Variants in POU3F3 observed in about 807,000 individuals in gnomAD.
The protein encoded by POU3F3 is POU class 3 homeobox 3.
Under a neutral mutation model 8.6 loss-of-function variants are expected in POU3F3, and 1 was observed. The observed-to-expected ratio is 0.12, with a 90% CI of 0.04 to 0.55. The LOEUF (loss-of-function observed/expected upper bound fraction) is 0.55. POU3F3 is among the 20% of genes least tolerant of loss of function. The pLI is 0.91. For missense variants in POU3F3, 577 were observed against 690.7 expected, an observed-to-expected ratio of 0.84 and a Z score of 1.84; for synonymous variants, 418 against 327.4, an observed-to-expected ratio of 1.28 and a Z score of -2.99.
At chr2:104,888,634 G>A in the POU3F3 span, among the ~76,000 whole-genome samples, 2 of 152,078 alleles carry the variant, frequency 1.3e-5, no homozygotes, top group Non-Finnish European at 2.9e-5. Context: ...AGGAAATTGA[G>A]GGAGTATCTG....
chr2:104,901,023 T>C, the POU3F3 span, among the ~76,000 whole-genome samples: 3 of 152,274 alleles, frequency 2.0e-5, no homozygotes, highest in African/African-American at 7.2e-5. Context: ...TGTAAAATGC[T>C]AAACAAGTTT....
chr2:104,892,782 G>A, the POU3F3 span, among the ~76,000 whole-genome samples: 9 of 151,532 alleles, frequency 5.9e-5, no homozygotes, highest in African/African-American at 2.4e-5. Flanking sequence ...TGCCTGGATC[G>A]AAACTCCTGG....
chr2:104,911,313 C>T, the POU3F3 span, among the ~76,000 whole-genome samples: 1 of 150,614 alleles, frequency 6.6e-6, no homozygotes, highest in African/African-American at 2.4e-5. Context: ...ACTAGGGAGG[C>T]TGAGGCAGAC....
chr2:104,900,168 A>C, the POU3F3 span, among the ~76,000 whole-genome samples: 1 of 152,206 alleles, frequency 6.6e-6, no homozygotes, highest in African/African-American at 2.4e-5. Context: ...GGTGACCTCC[A>C]ATTCTTTTCA....
In POU3F3 at chr2:104,857,519, C is replaced by T. The variant is rs994781107; in HGVS notation, c.*506C>T. ...GTGGACAGCACCTGCCTCGTCTTCT[C>T]CTCTTTGAAAAAAAGAGAGAGAGAG... is the stretch of plus-strand genomic sequence containing the variant. On this transcript the variant is annotated 3_prime_UTR_variant, in exon 1 of 1. Transcript: ENST00000361360. The T allele has an allele frequency of 5.2e-5, 8 of 153,500 alleles. No individual in the cohort carries two copies. The highest frequency in any genetic ancestry group is 1.5e-4 in the African/African-American group (6 of 41,356). 9.5% of individuals were successfully genotyped at this position (153,500 alleles called of 1,614,324 possible). A position where few individuals can be genotyped will look rare whatever the true frequency, so the allele number is the denominator to read the frequency against.
chr2:104,920,926 C>A, the POU3F3 span, among the ~76,000 whole-genome samples: 6 of 152,134 alleles, frequency 3.9e-5, no homozygotes, highest in African/African-American at 1.4e-4. Flanking sequence ...AGTCTCCCCC[C>A]ACATTCATGT....
downstream of POU3F3, chr2:104,858,631 A>T (rs1309791072): frequency 6.6e-6 from 1 of 152,180 alleles, no homozygotes; most frequent in Non-Finnish European, 1.5e-5. Context: ...TTTAAGAAAT[A>T]TTTTTTTACT....
chr2:104,909,361 A>G, the POU3F3 span, among the ~76,000 whole-genome samples: 1 of 152,232 alleles, frequency 6.6e-6, no homozygotes, highest in African/African-American at 2.4e-5. Flanking sequence ...AAGATATGCC[A>G]GAAAAGACCC....
chr2:104,862,655 G>A (rs546585098), downstream of POU3F3, among the ~76,000 whole-genome samples: 70 of 152,210 alleles, frequency 4.6e-4, no homozygotes, highest in Non-Finnish European at 9.0e-4. Context: ...AGCTGCTGTG[G>A]GTCCCACAAG....
At chr2:104,924,464 T>G in the POU3F3 span, among the ~76,000 whole-genome samples, 5 of 152,226 alleles carry the variant, frequency 3.3e-5, no homozygotes, top group Non-Finnish European at 7.3e-5. Context: ...AAGACCCATT[T>G]GCCCCCAACC....
At chr2:104,903,367 T>TA in the POU3F3 span, among the ~76,000 whole-genome samples, 2 of 152,366 alleles carry the variant, frequency 1.3e-5, no homozygotes, top group Non-Finnish European at 2.9e-5. Context: ...GCACCGGTGC[T>TA]ATATGCCTCT....
the POU3F3 span, among the ~76,000 whole-genome samples, chr2:104,894,396 AG>A: frequency 6.6e-6 from 1 of 152,194 alleles, no homozygotes; most frequent in South Asian, 2.1e-4. Flanking sequence ...TACGTTGACA[AG>A]AACTTCCATT....
the POU3F3 span, among the ~76,000 whole-genome samples, chr2:104,882,483 C>G: frequency 2.6e-5 from 4 of 152,102 alleles, no homozygotes; most frequent in Non-Finnish European, 5.9e-5. Context: ...AACACCTGAG[C>G]TCAGGTGATC....
chr2:104,893,351 C>T, the POU3F3 span, among the ~76,000 whole-genome samples: 62 of 152,280 alleles, frequency 4.1e-4, no homozygotes, highest in African/African-American at 1.5e-3. Flanking sequence ...AAAGCCTGGG[C>T]CAGTGTCCTG....
chr2:104,890,927 G>C, the POU3F3 span, among the ~76,000 whole-genome samples: 1 of 152,160 alleles, frequency 6.6e-6, no homozygotes, highest in African/African-American at 2.4e-5. Context: ...GCAGTTTCAA[G>C]GGAGCAAAAA....
chr2:104,888,997 C>T, the POU3F3 span, among the ~76,000 whole-genome samples: 1 of 152,238 alleles, frequency 6.6e-6, no homozygotes, highest in East Asian at 1.9e-4. Context: ...TAAGCTAAAC[C>T]TAGCCTCTCA....
chr2:104,909,374 A>C, the POU3F3 span, among the ~76,000 whole-genome samples: 2 of 152,366 alleles, frequency 1.3e-5, no homozygotes, highest in South Asian at 2.1e-4. Flanking sequence ...AAAGACCCAC[A>C]AATGGTACCC....
downstream of POU3F3, among the ~76,000 whole-genome samples, chr2:104,863,317 G>A (rs1463139202): frequency 6.6e-6 from 1 of 151,822 alleles, no homozygotes; most frequent in Admixed American, 6.6e-5. Flanking sequence ...CGAAGGAAAG[G>A]GAAACTTCTG....
chr2:104,864,519 C>T, the POU3F3 span, among the ~76,000 whole-genome samples: 1 of 152,174 alleles, frequency 6.6e-6, no homozygotes, highest in Non-Finnish European at 1.5e-5. Flanking sequence ...TTATAACATG[C>T]TCAGAGGCAT....
Sources: allele counts gnomAD v4.1 joint callset (sites outside exome capture counted in the v4.1 genomes callset), GRCh38; gene constraint gnomAD v4.1.1; transcripts MANE v1.5; gene names NCBI Gene and HGNC (gene_info 2026-07-23, HGNC 2026-07-21).